RRM2B: variants seen among roughly 807,000 people sequenced by gnomAD.
RRM2B encodes ribonucleotide reductase regulatory TP53 inducible subunit M2B.
Under a neutral mutation model 45.9 loss-of-function variants are expected in RRM2B, and 20 were observed. The ratio of observed to expected loss-of-function variants is 0.44; its 90% CI spans 0.31 to 0.63. RRM2B has a LOEUF of 0.63. RRM2B is among the 30% of genes least tolerant of loss of function. RRM2B has a pLI of 0.09. For synonymous variants in RRM2B, 124 were observed against 132.3 expected, an observed-to-expected ratio of 0.94 and a Z score of 0.43; for missense variants, 320 against 414.7, an observed-to-expected ratio of 0.77 and a Z score of 1.98.
intron 6 of RRM2B, among the ~76,000 whole-genome samples, chr8:102,217,158 T>C (rs1015724627): frequency 1.3e-5 from 2 of 152,222 alleles, no homozygotes; most frequent in African/African-American, 4.8e-5. Flanking sequence ...AAAACTACTA[T>C]TTTCAAAAGG....
chr8:102,206,355 G>A lies in RRM2B; in HGVS notation c.*1778C>T, dbSNP rs956644386. ...TCAATAACAGTTGCTCTGTCAAGCT[G>A]TTTTGAGATCAAATGAGATGATGTA... On this transcript the variant is annotated 3_prime_UTR_variant, in exon 9 of 9. Coordinates refer to ENST00000251810, the MANE Select transcript of RRM2B (RefSeq NM_015713.5). 1 of 152,132 alleles carries A rather than the reference G, an allele frequency of 6.6e-6. No homozygotes were observed. Among genetic ancestry groups the A allele is most frequent in the Non-Finnish European group, 1.5e-5 (1 of 68,002 alleles). 9.4% of individuals were successfully genotyped at this position (152,132 alleles called of 1,614,324 possible).
chr8:102,228,624 G>C (rs1185210482), intron 2 of RRM2B, among the ~76,000 whole-genome samples: 1 of 152,188 alleles, frequency 6.6e-6, no homozygotes, highest in African/African-American at 2.4e-5. Context: ...AGGGTTGTGG[G>C]TACTCCTCAC....
In RRM2B at chr8:102,236,646, A is replaced by G. The variant is rs531898077; in HGVS notation, c.48+2181T>C. 5.9e-5 allele frequency among the ~76,000 whole-genome samples: 9 copies of G among 152,326 alleles called. No homozygotes were observed. The South Asian group carries it at 1.4e-3, about 25-fold the overall frequency. On this transcript the variant is annotated intron_variant, in intron 1 of 8. Transcript: ENST00000251810. ...GGTCTAATGAAGGATTAACTTGGCAATGGTAATTAGGATTGAATGGCAGGT... is the reference window on the plus strand; with the variant it reads ...GGTCTAATGAAGGATTAACTTGGCAGTGGTAATTAGGATTGAATGGCAGGT...
chr8:102,219,016 T>G, intron 5 of RRM2B, 69 bp from the exon 6 acceptor site: 4 of 1,415,120 alleles, frequency 2.8e-6, no homozygotes, highest in Non-Finnish European at 4.0e-6. Context: ...TATATACACA[T>G]ATATAACAAT....
At chr8:102,233,969 C>T (rs750832721) in intron 1 of RRM2B, among the ~76,000 whole-genome samples, 6 of 152,166 alleles carry the variant, frequency 3.9e-5, no homozygotes, top group Admixed American at 1.3e-4. Context: ...TATGTGCACA[C>T]GTCACCACAC....
In RRM2B at chr8:102,207,940, A is replaced by G; in HGVS notation, c.*193T>C. ...TCTTTTATTTCAGTGACAAGACAAA[A>G]GCATTTAGGTCACACTCTTGTTGTT... On this transcript the variant is annotated 3_prime_UTR_variant, in exon 9 of 9. Coordinates refer to ENST00000251810, the MANE Select transcript of RRM2B (RefSeq NM_015713.5). 1 of 544,576 alleles carries G rather than the reference A, an allele frequency of 1.8e-6. No homozygotes were observed. The highest frequency in any genetic ancestry group is 3.3e-6 in the Non-Finnish European group (1 of 307,004). The allele number at this position is 544,576 out of a possible 1,614,324, so 33.7% of individuals were successfully genotyped here.
intron 6 of RRM2B, among the ~76,000 whole-genome samples, chr8:102,218,491 G>A (rs761703030): frequency 6.6e-6 from 1 of 152,092 alleles, no homozygotes; most frequent in African/African-American, 2.4e-5. Context: ...GCTGAGGCAG[G>A]CAGATCGCTT....
chr8:102,235,105 T>C (rs749262952), intron 1 of RRM2B, among the ~76,000 whole-genome samples: 1 of 152,172 alleles, frequency 6.6e-6, no homozygotes, highest in South Asian at 2.1e-4. Flanking sequence ...GCAAATAACA[T>C]AATCAGATAT....
At chr8:102,210,922 A>G (rs947537858) in intron 8 of RRM2B, among the ~76,000 whole-genome samples, 3 of 152,100 alleles carry the variant, frequency 2.0e-5, no homozygotes, top group Non-Finnish European at 4.4e-5. Context: ...ATACATAGTA[A>G]TCATATTGTC....
At chr8:102,223,429 A>G (rs551337371) in intron 5 of RRM2B, among the ~76,000 whole-genome samples, 125 of 152,238 alleles carry the variant, frequency 8.2e-4, no homozygotes, top group Non-Finnish European at 1.6e-3. Flanking sequence ...ACAGTGGCTC[A>G]TGCCTGCAGT....
chr8:102,212,377 T>C (rs1200111108), intron 8 of RRM2B, among the ~76,000 whole-genome samples: 2 of 152,244 alleles, frequency 1.3e-5, no homozygotes, highest in African/African-American at 2.4e-5. Context: ...CAAAGAGTTA[T>C]ATTGTGACAG....
Position 102,224,950 on chromosome 8 carries a change from G to A in RRM2B, c.390C>T (p.Ile130=), listed in dbSNP as rs770060751. The A allele has an allele frequency of 1.1e-5, 17 of 1,613,194 alleles. No individual in the cohort carries two copies. Among genetic ancestry groups the A allele is most frequent in the Middle Eastern group, 1.6e-4 (1 of 6,084 alleles). ...TGTACATCTCTGAGTGAACATTCTCGATGAGAATTTGAAAGCCATAGAAAC... is the reference window on the plus strand; with the variant it reads ...TGTACATCTCTGAGTGAACATTCTCAATGAGAATTTGAAAGCCATAGAAAC... ...ARCFYGFQIL[I]ENVHSEMYSL... is the part of the protein sequence containing the mutation. Residue 130 remains isoleucine, a synonymous_variant, in exon 4 of 9, where the codon ATC becomes ATT. Coordinates refer to ENST00000251810, the MANE Select transcript of RRM2B (RefSeq NM_015713.5).
At chr8:102,238,787 G>C in intron 1 of RRM2B, 40 bp downstream of exon 1, 1 of 1,613,654 alleles carries the variant, frequency 6.2e-7, no homozygotes, top group Non-Finnish European at 8.5e-7. Context: ...ACGGGCTGGC[G>C]TGACTGCGGT....
intron 8 of RRM2B, among the ~76,000 whole-genome samples, chr8:102,212,398 C>T (rs1810651083): frequency 6.6e-6 from 1 of 152,102 alleles, no homozygotes; most frequent in South Asian, 2.1e-4. Flanking sequence ...TTAATGTCTT[C>T]CTAATAACTA....
rs1299858324 is a variant in RRM2B, at chr8:102,208,202, T to A, written c.987A>T (p.Ser329=). 1 of 1,612,162 alleles carries A rather than the reference T, an allele frequency of 6.2e-7. No homozygotes were observed. Among genetic ancestry groups the A allele is most frequent in the Non-Finnish European group, 8.5e-7 (1 of 1,178,306 alleles). Reference sequence around the variant, plus strand: ...CCATAACTGCAAAACGCTGATACTCTGAAACTCGTTTCTCAAAGAAATTTG... The same window carrying A: ...CCATAACTGCAAAACGCTGATACTCAGAAACTCGTTTCTCAAAGAAATTTG... ...GKTNFFEKRV[S]EYQRFAVMAE... is the part of the protein sequence containing the mutation. Residue 329 remains serine, a synonymous_variant, in exon 9 of 9, where the codon TCA becomes TCT. Coordinates refer to ENST00000251810, the MANE Select transcript of RRM2B (RefSeq NM_015713.5).
chr8:102,223,695 CAAAAAAA>C (rs764014539), intron 5 of RRM2B, among the ~76,000 whole-genome samples: 1 of 74,722 alleles, frequency 1.3e-5, no homozygotes, highest in African/African-American at 5.3e-5. Context: ...GACTCCGTCT[CAAAAAAA>C]AAAAAAAAAA....
chr8:102,214,016 A>G (rs1434054977), intron 7 of RRM2B, 38 bp downstream of exon 7: 2 of 1,314,352 alleles, frequency 1.5e-6, no homozygotes, highest in Non-Finnish European at 2.2e-6. Context: ...ACATCAGAGA[A>G]AGAGAGATGT....
chr8:102,238,130 T>A (rs1025965632), intron 1 of RRM2B, among the ~76,000 whole-genome samples: 1 of 152,238 alleles, frequency 6.6e-6, no homozygotes, highest in Non-Finnish European at 1.5e-5. Context: ...TTTATCAGCA[T>A]AAACAACTTG....
chr8:102,210,308 T>C (rs1810614168), intron 8 of RRM2B, among the ~76,000 whole-genome samples: 1 of 152,140 alleles, frequency 6.6e-6, no homozygotes, highest in Non-Finnish European at 1.5e-5. Flanking sequence ...AGCTGTAATA[T>C]ACAGCAAGAT....
Sources: allele counts gnomAD v4.1 joint callset (sites outside exome capture counted in the v4.1 genomes callset), GRCh38; gene constraint gnomAD v4.1.1; transcripts MANE v1.5; gene names NCBI Gene and HGNC (gene_info 2026-07-23, HGNC 2026-07-21).